Variants in GPC3 observed in about 807,000 individuals in gnomAD.
GPC3 encodes the protein glypican 3, also known as glypican-3.
GPC3 carries 3 observed loss-of-function variants against 34.4 expected under a neutral mutation model. The ratio of observed to expected loss-of-function variants is 0.09; its 90% confidence interval spans 0.04 to 0.23. GPC3 has a LOEUF of 0.23. Ranked by LOEUF, GPC3 falls within the 10% of genes least tolerant of loss-of-function variation. The probability of loss-of-function intolerance (pLI) is 1.00; values close to 1 mark genes in which losing one functional copy is unlikely to be tolerated. For synonymous variants in GPC3, 177 were observed against 174.0 expected, an observed-to-expected ratio of 1.02 and a Z score of -0.13; for missense variants, 351 against 445.6, an observed-to-expected ratio of 0.79 and a Z score of 1.91.
At chrX:133,685,492 C>T (rs927623168) in intron 5 of GPC3, among the ~76,000 whole-genome samples, 2 of 111,088 alleles carry the variant, frequency 1.8e-5, no homozygotes, top group Admixed American at 1.9e-4. Flanking sequence ...GCAGAGAAAT[C>T]CTGAAGAGGC....
intron 2 of GPC3, among the ~76,000 whole-genome samples, chrX:133,924,267 C>A (rs2076266069): frequency 9.0e-6 from 1 of 111,159 alleles, no homozygotes; most frequent in Non-Finnish European, 1.9e-5. Flanking sequence ...ACCCAACTGG[C>A]CACTTTAAAT....
At chrX:133,809,319 C>A (rs1484676614) in intron 2 of GPC3, among the ~76,000 whole-genome samples, 1 of 111,910 alleles carries the variant, frequency 8.9e-6, no homozygotes, top group East Asian at 2.8e-4. Context: ...ACTTGTTAAG[C>A]CAAATGTCTA....
chrX:133,581,398 A>G (rs1229441425), intron 7 of GPC3, among the ~76,000 whole-genome samples: 2 of 112,088 alleles, frequency 1.8e-5, no homozygotes, highest in African/African-American at 3.2e-5. Context: ...TTAAACTTAG[A>G]AACTTTAAGG....
intron 3 of GPC3, among the ~76,000 whole-genome samples, chrX:133,700,522 G>A (rs2071158305): frequency 9.0e-6 from 1 of 110,991 alleles, no homozygotes; most frequent in African/African-American, 3.3e-5. Context: ...AAGGTACTCT[G>A]ATAAAAAGTA....
intron 6 of GPC3, among the ~76,000 whole-genome samples, chrX:133,619,247 G>A (rs192248686): frequency 8.9e-6 from 1 of 112,343 alleles, no homozygotes; most frequent in African/African-American, 3.2e-5. Context: ...AATGTAAAAT[G>A]GTGGATTCAT....
chrX:133,785,736 T>A (rs939812062), intron 2 of GPC3, among the ~76,000 whole-genome samples: 6 of 112,092 alleles, frequency 5.4e-5, no homozygotes, highest in Non-Finnish European at 1.1e-4. Flanking sequence ...TGTAATAAAA[T>A]GACATGATGT....
intron 2 of GPC3, among the ~76,000 whole-genome samples, chrX:133,823,898 T>C (rs2075732575): frequency 9.4e-6 from 1 of 106,244 alleles, no homozygotes; most frequent in African/African-American, 3.5e-5. Context: ...CAGGAGAACC[T>C]GGGAGGCAGA....
chrX:133,844,171 T>A (rs902016682), intron 2 of GPC3, among the ~76,000 whole-genome samples: 1 of 111,760 alleles, frequency 8.9e-6, no homozygotes, highest in Non-Finnish European at 1.9e-5. Context: ...GGTCAAAGGG[T>A]ACAAACTTTT....
chrX:133,722,888 C>G (rs1237143486), intron 3 of GPC3, among the ~76,000 whole-genome samples: 2 of 111,427 alleles, frequency 1.8e-5, no homozygotes, highest in Non-Finnish European at 3.8e-5. Flanking sequence ...AAGAGTCTGA[C>G]CCCTGAACAA....
At chrX:133,672,885 C>T (rs2070844397) in intron 5 of GPC3, among the ~76,000 whole-genome samples, 1 of 107,706 alleles carries the variant, frequency 9.3e-6, no homozygotes, top group Non-Finnish European at 1.9e-5. Context: ...CTCCTGACCT[C>T]GTGATCCGCC....
intron 3 of GPC3, among the ~76,000 whole-genome samples, chrX:133,745,449 C>A (rs1371346147): frequency 8.9e-6 from 1 of 112,727 alleles, no homozygotes; most frequent in East Asian, 2.8e-4. Context: ...ATAGCCTGAA[C>A]AGAGCAAGAA....
chrX:133,877,646 C>A (rs1397938913), intron 2 of GPC3, among the ~76,000 whole-genome samples: 1 of 111,992 alleles, frequency 8.9e-6, no homozygotes, highest in East Asian at 2.8e-4. Flanking sequence ...TTAATTATAG[C>A]ATGAGCTCTA....
intron 2 of GPC3, among the ~76,000 whole-genome samples, chrX:133,853,168 T>C (rs1037183477): frequency 1.8e-5 from 2 of 111,572 alleles, no homozygotes; most frequent in African/African-American, 6.5e-5. Context: ...TCAGTTAACA[T>C]GTCTCAGTTG....
At chrX:133,981,461 T>A (rs915775746) in intron 1 of GPC3, among the ~76,000 whole-genome samples, 1 of 112,372 alleles carries the variant, frequency 8.9e-6, no homozygotes, top group African/African-American at 3.2e-5. Flanking sequence ...CACAGCTTGG[T>A]ATCAGTATCA....
At chrX:133,754,261 T>G in intron 2 of GPC3, 85 bp from the exon 3 acceptor site, 1 of 709,039 alleles carries the variant, frequency 1.4e-6, no homozygotes, top group African/African-American at 2.1e-5. Flanking sequence ...TTGAGACTTC[T>G]CTATTGCTGT....
chrX:133,926,232 G>A (rs1415864563), intron 2 of GPC3, among the ~76,000 whole-genome samples: 1 of 112,132 alleles, frequency 8.9e-6, no homozygotes, highest in East Asian at 2.8e-4. Context: ...TCTGAACCCA[G>A]TAGAGAGAAT....
At chrX:133,721,581 TCCCAAAAATA>T (rs2071368009) in intron 3 of GPC3, among the ~76,000 whole-genome samples, 1 of 111,341 alleles carries the variant, frequency 9.0e-6, no homozygotes, top group East Asian at 2.8e-4. Context: ...CATAAACTCT[TCCCAAAAATA>T]GAAAAGGTAG....
At chrX:133,606,096 T>C (rs1230912091) in intron 6 of GPC3, among the ~76,000 whole-genome samples, 1 of 112,201 alleles carries the variant, frequency 8.9e-6, no homozygotes, top group Non-Finnish European at 1.9e-5. Context: ...TATGAAAATA[T>C]GTCCCCCTGT....
intron 5 of GPC3, among the ~76,000 whole-genome samples, chrX:133,687,140 C>T (rs1334081087): frequency 1.3e-5 from 1 of 74,877 alleles, no homozygotes; most frequent in Non-Finnish European, 2.3e-5. Context: ...GACGAGGTTT[C>T]ACCGTGTTAG....
Sources: allele counts gnomAD v4.1 joint callset (sites outside exome capture counted in the v4.1 genomes callset), GRCh38; gene constraint gnomAD v4.1.1; transcripts MANE v1.5; gene names NCBI Gene and HGNC (gene_info 2026-07-23, HGNC 2026-07-21).